The following TRPC6 variants were observed in gnomAD, a reference collection of about 807,000 sequenced individuals.
TRPC6 encodes the protein transient receptor potential cation channel subfamily C member 6.
A neutral mutation model predicts 90.7 loss-of-function variants in TRPC6; 55 were observed. That is an observed-to-expected ratio of 0.61 (90% CI 0.49 to 0.76). TRPC6 has a LOEUF of 0.76. TRPC6 is among the 30% of genes least tolerant of loss of function. The pLI is 0.00. For missense variants in TRPC6, 989 were observed against 1,122.7 expected (o/e 0.88, Z 1.70); for synonymous variants, 393 against 393.0 (o/e 1.00, Z 0.00).
intron 1 of TRPC6, among the ~76,000 whole-genome samples, chr11:101,536,655 A>C (rs1013471336): frequency 8.5e-5 from 13 of 152,176 alleles, no homozygotes; most frequent in African/African-American, 3.1e-4. Context: ...ATGTTTGAGG[A>C]GCCAAAAGTC....
chr11:101,499,221 T>TTCAG (rs1479061490), intron 2 of TRPC6, among the ~76,000 whole-genome samples: 2 of 152,120 alleles, frequency 1.3e-5, no homozygotes, highest in African/African-American at 4.8e-5. Flanking sequence ...CTTAATATCT[T>TTCAG]TCAGATGTAT....
chr11:101,510,400 T>C (rs561946037), intron 1 of TRPC6, among the ~76,000 whole-genome samples: 5 of 152,260 alleles, frequency 3.3e-5, no homozygotes, highest in African/African-American at 1.2e-4. Context: ...ACTCAGCCCA[T>C]AGCTCCATAG....
intron 6 of TRPC6, 129 bp from the exon 7 acceptor site, chr11:101,473,902 A>G: frequency 7.8e-7 from 1 of 1,283,410 alleles, no homozygotes; most frequent in South Asian, 1.3e-5. Flanking sequence ...CCTATCTTAA[A>G]GGGCTTCTTA....
rs566606152 is a variant in TRPC6, at chr11:101,519,888, C to CT, written c.171-15091dup. 3 of 153,184 alleles carry CT rather than the reference C, an allele frequency of 2.0e-5. No homozygotes were observed. The South Asian group carries it at 6.2e-4, about 32-fold the overall frequency. The allele number at this position is 153,184 out of a possible 1,614,324, so 9.5% of individuals were successfully genotyped here. A position where few individuals can be genotyped will look rare whatever the true frequency, so the allele number is the denominator to read the frequency against. On this transcript the variant is annotated intron_variant, in intron 1 of 12. Transcript: ENST00000344327. ...CACCTGTACTAATTCTCTTAACTCTCTGACTCCCTCACTCAGTCTCTCTGC... is the reference window on the plus strand; with the variant it reads ...CACCTGTACTAATTCTCTTAACTCTCTTGACTCCCTCACTCAGTCTCTCTGC...
At chr11:101,521,308 A>T (rs1271059248) in intron 1 of TRPC6, among the ~76,000 whole-genome samples, 1 of 152,178 alleles carries the variant, frequency 6.6e-6, no homozygotes, top group African/African-American at 2.4e-5. Context: ...AGGGTCCCAG[A>T]TATGTCTTAG....
At chr11:101,583,103 TCCATGCGTA>T in intron 1 of TRPC6, 2 of 919,286 alleles carry the variant, frequency 2.2e-6, no homozygotes, top group East Asian at 2.4e-4. Context: ...GGCAAACATA[TCCATGCGTA>T]CCTACGAGGA....
chr11:101,562,465 T>C (rs988952478), intron 1 of TRPC6, among the ~76,000 whole-genome samples: 6 of 152,186 alleles, frequency 3.9e-5, no homozygotes, highest in Non-Finnish European at 5.9e-5. Flanking sequence ...ATTCTTTCTC[T>C]GTTCTCTTTT....
chr11:101,496,193 C>T (rs116774841), intron 2 of TRPC6, among the ~76,000 whole-genome samples: 4 of 152,146 alleles, frequency 2.6e-5, no homozygotes, highest in Admixed American at 6.6e-5. Context: ...TCCATCCCCA[C>T]GATGCAGTCA....
chr11:101,558,744 C>T (rs1394454603), intron 1 of TRPC6, among the ~76,000 whole-genome samples: 1 of 151,888 alleles, frequency 6.6e-6, no homozygotes, highest in Non-Finnish European at 1.5e-5. Flanking sequence ...ACAAAGGTGC[C>T]AAGAATACAC....
chr11:101,544,666 T>A (rs2136825979), intron 1 of TRPC6, among the ~76,000 whole-genome samples: 1 of 149,424 alleles, frequency 6.7e-6, no homozygotes, highest in African/African-American at 2.5e-5. Context: ...CACTCATAAG[T>A]GGGAGATGAA....
intron 1 of TRPC6, among the ~76,000 whole-genome samples, chr11:101,541,853 T>G (rs1565235784): frequency 6.6e-6 from 1 of 152,200 alleles, no homozygotes; most frequent in Non-Finnish European, 1.5e-5. Context: ...GTAACGACAA[T>G]GGGCTCTCAA....
chr11:101,503,966 G>A, intron 2 of TRPC6, 58 bp downstream of exon 2: 4 of 1,609,184 alleles, frequency 2.5e-6, no homozygotes, highest in Admixed American at 1.7e-5. Flanking sequence ...GGGGAAGCTG[G>A]TAAATACACC....
Position 101,451,995 on chromosome 11 carries a change from C to G in TRPC6, c.*960G>C, listed in dbSNP as rs138558920. 5.3e-5 allele frequency: 8 copies of G among 152,272 alleles called. No individual in the cohort carries two copies. In the East Asian group the frequency reaches 1.5e-3, roughly 29 times the overall value. The allele number at this position is 152,272 out of a possible 1,614,324, so 9.4% of individuals were successfully genotyped here. ...GAAGGATAGAACATATTGAAAATAA[C>G]AGATAAGTATTTACAAATTCTCACC... is the stretch of plus-strand genomic sequence containing the variant. On this transcript the variant is annotated 3_prime_UTR_variant, in exon 13 of 13. Transcript: ENST00000344327.
chr11:101,465,452 G>T (rs953463833), intron 10 of TRPC6, among the ~76,000 whole-genome samples: 1 of 151,990 alleles, frequency 6.6e-6, no homozygotes, highest in African/African-American at 2.4e-5. Flanking sequence ...GTCTTTCCAC[G>T]TAGTCCCATA....
intron 10 of TRPC6, chr11:101,455,351 G>A (rs937773635): frequency 9.6e-6 from 4 of 415,460 alleles, no homozygotes; most frequent in Non-Finnish European, 1.8e-5. Flanking sequence ...TGCCAATCAC[G>A]TTGTCATGAG....
At position 101,453,585 on chromosome 11, in the gene TRPC6, A is replaced by T; in HGVS notation, c.2644+65T>A. On this transcript the variant is annotated intron_variant, in intron 12 of 12. Coordinates refer to ENST00000344327, the MANE Select transcript of TRPC6 (RefSeq NM_004621.6). ...TACGCATCTCTGCAGCTCTCCAGGC[A>T]CTCTGCGCTAGGCCCCCGTCCTGAC... 8.8e-6 allele frequency: 13 copies of T among 1,469,998 alleles called. No individual in the cohort carries two copies. The South Asian group carries it at 1.4e-4, about 15-fold the overall frequency. The allele number at this position is 1,469,998 out of a possible 1,614,324, so 91.1% of individuals were successfully genotyped here. A position where few individuals can be genotyped will look rare whatever the true frequency, so the allele number is the denominator to read the frequency against.
At chr11:101,576,231 C>T (rs117064153) in intron 1 of TRPC6, among the ~76,000 whole-genome samples, 13 of 152,092 alleles carry the variant, frequency 8.5e-5, no homozygotes, top group African/African-American at 3.1e-4. Flanking sequence ...AGAAAAGAAC[C>T]TGCTACAGAA....
chr11:101,463,577 T>C (rs1488056111), intron 10 of TRPC6, among the ~76,000 whole-genome samples: 4 of 152,228 alleles, frequency 2.6e-5, no homozygotes, highest in Non-Finnish European at 5.9e-5. Context: ...TTCTTCTAGA[T>C]TTTCTAGCTT....
intron 1 of TRPC6, among the ~76,000 whole-genome samples, chr11:101,575,827 C>G (rs1862058562): frequency 6.6e-6 from 1 of 152,128 alleles, no homozygotes; most frequent in Non-Finnish European, 1.5e-5. Context: ...CAGGATATAA[C>G]TTAGATATAA....
Sources: gnomAD v4.1 joint callset for allele counts (sites outside exome capture counted in the v4.1 genomes callset) on GRCh38, gnomAD v4.1.1 for gene constraint, MANE v1.5 for transcripts, NCBI Gene and HGNC (gene_info 2026-07-23, HGNC 2026-07-21) for gene names.